PPM1H: variants seen among roughly 807,000 people sequenced by gnomAD.
The protein encoded by PPM1H is protein phosphatase, Mg2+/Mn2+ dependent 1H.
A neutral mutation model predicts 54.9 loss-of-function variants in PPM1H; 27 were observed. That is an observed-to-expected ratio of 0.49 (90% confidence interval 0.36 to 0.68). The LOEUF is 0.68. Among genes scored for constraint, PPM1H ranks in the 30% least tolerant of loss-of-function variants. The pLI, the probability that PPM1H is intolerant of heterozygous loss-of-function variation, is 0.00. For synonymous variants in PPM1H, 305 were observed against 270.8 expected, an observed-to-expected ratio of 1.13 and a Z score of -1.24; for missense variants, 596 against 667.8, an observed-to-expected ratio of 0.89 and a Z score of 1.19.
rs542254379 is a variant in PPM1H, at chr12:62,647,950, A to T, written c.*539T>A. ...ATCCCTGCCTCACTCCACCACTGCC[A>T]TAAAAGAATAGAAACAGAGAAGAAA... On this transcript the variant is annotated 3_prime_UTR_variant, in exon 10 of 10. Transcript: ENST00000228705. 20 of 150,816 alleles carry T rather than the reference A, an allele frequency of 1.3e-4. No individual in the cohort carries two copies. Among genetic ancestry groups the T allele is most frequent in the African/African-American group, 4.6e-4 (19 of 40,988 alleles). The allele number at this position is 150,816 out of a possible 1,614,324, so 9.3% of individuals were successfully genotyped here.
chr12:62,706,306 C>A (rs2076173924), intron 6 of PPM1H, among the ~76,000 whole-genome samples: 1 of 152,178 alleles, frequency 6.6e-6, no homozygotes, highest in Non-Finnish European at 1.5e-5. Context: ...CTTCTACTAA[C>A]CCCCATATTA....
At chr12:62,925,137 A>G (rs1871934976) in intron 1 of PPM1H, among the ~76,000 whole-genome samples, 1 of 152,244 alleles carries the variant, frequency 6.6e-6, no homozygotes, top group South Asian at 2.1e-4. Flanking sequence ...TGTCTAATAA[A>G]GGGAAAAAGG....
Position 62,814,418 on chromosome 12 carries a change from T to G in PPM1H, c.412-12258A>C, listed in dbSNP as rs559658529. 4.6e-5 allele frequency among the ~76,000 whole-genome samples: 7 copies of G among 152,000 alleles called. No homozygotes were observed. In the South Asian group the frequency reaches 1.5e-3, roughly 32 times the overall value. ...ATTTTTTGTAGAGAGGGTCTTGCTA[T>G]GTTGCCCAGGCTGGGTCTCAAACTC... On this transcript the variant is annotated intron_variant, in intron 2 of 9. Transcript: ENST00000228705.
At chr12:62,824,509 G>A (rs1868267342) in intron 2 of PPM1H, among the ~76,000 whole-genome samples, 1 of 152,120 alleles carries the variant, frequency 6.6e-6, no homozygotes, top group Non-Finnish European at 1.5e-5. Context: ...TATACTACAA[G>A]GCTACAGTAA....
rs1342166481 is a variant in PPM1H at position 62,844,747 on chromosome 12, T to C, written c.246-12468A>G. Among the ~76,000 whole-genome samples the C allele has an allele frequency of 1.3e-5, 2 of 152,200 alleles. No homozygotes were observed. The highest frequency in any genetic ancestry group is 4.8e-5 in the African/African-American group (2 of 41,446). On this transcript the variant is annotated intron_variant, in intron 1 of 9. Transcript: ENST00000228705. The surrounding 1 kb of genome is among the most constrained non-coding windows in gnomAD (Gnocchi z 5.2). Reference sequence around the variant, plus strand: ...GAGTAGGTACTCGATAAATGTTAATTGAATGAATAAACAAATGAACTCATT... The same window carrying C: ...GAGTAGGTACTCGATAAATGTTAATCGAATGAATAAACAAATGAACTCATT...
At chr12:62,725,652 G>A (rs1166855301) in intron 5 of PPM1H, among the ~76,000 whole-genome samples, 1 of 152,084 alleles carries the variant, frequency 6.6e-6, no homozygotes, top group African/African-American at 2.4e-5. Context: ...ATATTAAATA[G>A]ATTTGTATGC....
rs1234762182 is a variant in PPM1H at position 62,844,734 on chromosome 12, GATAA to G, written c.246-12459_246-12456del. ...ATCACATAGCACGGAGTAGGTACTC[GATAA>G]ATGTTAATTGAATGAATAAACAAAT... On this transcript the variant is annotated intron_variant, in intron 1 of 9. Transcript: ENST00000228705. The surrounding 1 kb of genome is among the most constrained non-coding windows in gnomAD (Gnocchi z 5.2). Among the ~76,000 whole-genome samples the G allele has an allele frequency of 2.0e-5, 3 of 152,064 alleles. No homozygotes were observed. The highest frequency in any genetic ancestry group is 7.2e-5 in the African/African-American group (3 of 41,412).
intron 2 of PPM1H, among the ~76,000 whole-genome samples, chr12:62,817,419 G>T (rs1051718925): frequency 6.6e-6 from 1 of 150,880 alleles, no homozygotes; most frequent in African/African-American, 2.4e-5. Context: ...CCAAGATAGC[G>T]CCACTGCACT....
At chr12:62,856,009 G>A (rs1247629742) in intron 1 of PPM1H, among the ~76,000 whole-genome samples, 2 of 152,174 alleles carry the variant, frequency 1.3e-5, no homozygotes, top group Non-Finnish European at 2.9e-5. Context: ...CTGTGAATGA[G>A]GTTTTCCCAT....
chr12:62,928,894 T>C (rs1372130221), intron 1 of PPM1H, among the ~76,000 whole-genome samples: 3 of 152,208 alleles, frequency 2.0e-5, no homozygotes, highest in African/African-American at 7.2e-5. Context: ...TTTTCCTATA[T>C]TGCAACAGAC....
At chr12:62,699,531 A>G (rs527666420) in intron 6 of PPM1H, among the ~76,000 whole-genome samples, 1 of 152,366 alleles carries the variant, frequency 6.6e-6, no homozygotes, top group African/African-American at 2.4e-5. Flanking sequence ...AGATGGTATA[A>G]AGCTCGGCAG....
At chr12:62,890,566 A>G (rs1407033694) in intron 1 of PPM1H, among the ~76,000 whole-genome samples, 1 of 152,168 alleles carries the variant, frequency 6.6e-6, no homozygotes, top group African/African-American at 2.4e-5. Flanking sequence ...TTGTTATGAA[A>G]GAATTGAGGG....
chr12:62,745,996 A>G (rs915231186), intron 4 of PPM1H, among the ~76,000 whole-genome samples: 3 of 152,136 alleles, frequency 2.0e-5, no homozygotes, highest in African/African-American at 7.2e-5. Flanking sequence ...AGTTGGGACC[A>G]GCCTAGGCAA....
At chr12:62,870,531 T>G (rs1370617928) in intron 1 of PPM1H, among the ~76,000 whole-genome samples, 1 of 152,096 alleles carries the variant, frequency 6.6e-6, no homozygotes, top group East Asian at 1.9e-4. Flanking sequence ...AGAATGGATT[T>G]GAAAGATACT....
At chr12:62,747,764 G>A (rs1410069298) in intron 4 of PPM1H, among the ~76,000 whole-genome samples, 1 of 152,198 alleles carries the variant, frequency 6.6e-6, no homozygotes, top group Admixed American at 6.5e-5. Context: ...ATAAACAGGT[G>A]CTATGTAAAC....
rs145730021 is a variant in PPM1H, at chr12:62,654,950, G to C, written c.1398-6314C>G. Reference sequence around the variant, plus strand: ...CCAGGAGGTCGGATTCCTTCACACGGCTTCTCTCCGCCGGCTTCTCCAGTG... The same window carrying C: ...CCAGGAGGTCGGATTCCTTCACACGCCTTCTCTCCGCCGGCTTCTCCAGTG... On this transcript the variant is annotated intron_variant, in intron 9 of 9. Transcript: ENST00000228705. 3.3e-3 allele frequency among the ~76,000 whole-genome samples: 496 copies of C among 152,244 alleles called. 2 individuals carry two copies. Among genetic ancestry groups the C allele is most frequent in the African/African-American group, 0.011 (476 of 41,554 alleles).
intron 1 of PPM1H, among the ~76,000 whole-genome samples, chr12:62,887,533 A>G (rs547199940): frequency 6.6e-6 from 1 of 152,332 alleles, no homozygotes; most frequent in South Asian, 2.1e-4. Flanking sequence ...ATATTTATTA[A>G]GCACTATACT....
intron 1 of PPM1H, among the ~76,000 whole-genome samples, chr12:62,869,376 C>T (rs889075798): frequency 6.6e-6 from 1 of 151,962 alleles, no homozygotes; most frequent in Admixed American, 6.6e-5. Context: ...TCACTTAATC[C>T]TCAGAATTCA....
chr12:62,742,690 T>C (rs994943522), intron 4 of PPM1H, among the ~76,000 whole-genome samples: 1 of 152,168 alleles, frequency 6.6e-6, no homozygotes, highest in Non-Finnish European at 1.5e-5. Context: ...GCAGGAGAGC[T>C]ACGTATACAC....
Sources: allele counts gnomAD v4.1 joint callset (sites outside exome capture counted in the v4.1 genomes callset), GRCh38; gene constraint gnomAD v4.1.1; non-coding constraint Gnocchi (gnomAD v3.1); transcripts MANE v1.5; gene names NCBI Gene and HGNC (gene_info 2026-07-23, HGNC 2026-07-21).